Variants in ACOT6 observed in about 807,000 individuals in gnomAD.
ACOT6 encodes acyl-CoA thioesterase 6.
ACOT6 carries 14 observed loss-of-function variants against 12.3 expected under a neutral mutation model. That is an observed-to-expected ratio of 1.14 (90% confidence interval 0.75 to 1.78). The LOEUF is 1.78. ACOT6 is among the 40% of genes most tolerant of loss of function. ACOT6 has a pLI of 0.00. For missense variants in ACOT6, 523 were observed against 551.8 expected (o/e 0.95, Z 0.52); for synonymous variants, 218 against 231.3 (o/e 0.94, Z 0.52).
At chr14:73,616,078 C>T (rs1160361156) in intron 1 of ACOT6, among the ~76,000 whole-genome samples, 2 of 151,740 alleles carry the variant, frequency 1.3e-5, no homozygotes, top group South Asian at 2.1e-4. Context: ...ATGATCCTCC[C>T]GCCTCTTCCT....
upstream of ACOT6, chr14:73,612,442 T>A: frequency 1.7e-6 from 1 of 579,318 alleles, no homozygotes; most frequent in Non-Finnish European, 2.6e-6. Flanking sequence ...CTGGAGCCTG[T>A]CCCCAAGTCC....
chr14:73,619,404 T>C lies in ACOT6; in HGVS notation c.831T>C (p.Asp277=), dbSNP rs746468309. 1 of 1,614,158 alleles carries C rather than the reference T, an allele frequency of 6.2e-7. No homozygotes were observed. Among genetic ancestry groups the C allele is most frequent in the South Asian group, 1.1e-5 (1 of 91,082 alleles). Residue 277 remains aspartate, a synonymous_variant, in exon 3 of 3, where the codon GAT becomes GAC. Transcript: ENST00000645972. Reference sequence around the variant, plus strand: ...ATATGATTATTCCTAAACTTGTCGATGATCTAGGAAAAGTAAAAATCACTA... The same window carrying C: ...ATATGATTATTCCTAAACTTGTCGACGATCTAGGAAAAGTAAAAATCACTA... ...YKDMIIPKLV[D]DLGKVKITKS...
chr14:73,617,189 A>G lies in ACOT6; in HGVS notation c.657A>G (p.Pro219=). Residue 219 remains proline (P), a synonymous_variant, in exon 2 of 3, where the codon CCA becomes CCG. Transcript: ENST00000645972. ...EEAVDFMLQH[P]KVKGPSIALL... ...CCGTGGACTTTATGCTGCAGCATCC[A>G]AAGGTGCGTTCTGGTGATCACCTGA... The G allele has an allele frequency of 6.2e-7, 1 of 1,614,202 alleles. No individual in the cohort carries two copies. Among genetic ancestry groups the G allele is most frequent in the Admixed American group, 1.7e-5 (1 of 60,014 alleles).
Position 73,617,101 on chromosome 14 carries a change from A to G in ACOT6, c.569A>G (p.Tyr190Cys). 6.3e-7 allele frequency: 1 copy of G among 1,590,924 alleles called. No individual in the cohort carries two copies. Among genetic ancestry groups the G allele is most frequent in the Non-Finnish European group, 8.6e-7 (1 of 1,159,292 alleles). Residue 190 changes from tyrosine to cysteine, a missense_variant, in exon 2 of 3, where the codon TAT (tyrosine) becomes TGT (cysteine). By Grantham distance (194) the Tyr-to-Cys change is radical. Coordinates refer to ENST00000645972, the MANE Select transcript of ACOT6 (RefSeq NM_001365788.1). The part of the protein sequence containing the change: ...GHGFAVLALA[Y>C]FRFEDLPEDL... Reference sequence around the variant, plus strand: ...GGTTTTGCTGTGCTTGCCCTGGCTTATTTCAGATTTGAAGACCTCCCCGAA... The same window carrying G: ...GGTTTTGCTGTGCTTGCCCTGGCTTGTTTCAGATTTGAAGACCTCCCCGAA...
rs1890471610 is a variant in ACOT6, at chr14:73,612,838, C to T, written c.267C>T (p.Ala89=). The stretch of plus-strand genomic sequence containing the variant: ...TGTGGGCGTTGGAGCCCGAGAAAGC[C>T]TTGGTGCGGCTGGTGAAGCGCGACG... The part of the protein sequence containing the change: ...GLLWALEPEK[A]LVRLVKRDVR... Residue 89 remains alanine, a synonymous_variant, in exon 1 of 3, where the codon GCC becomes GCT. Coordinates refer to ENST00000645972, the MANE Select transcript of ACOT6 (RefSeq NM_001365788.1). 1.4e-6 allele frequency: 2 copies of T among 1,428,548 alleles called. No homozygotes were observed. Among genetic ancestry groups the T allele is most frequent in the Non-Finnish European group, 1.9e-6 (2 of 1,072,612 alleles). The allele number at this position is 1,428,548 out of a possible 1,614,324, so 88.5% of individuals were successfully genotyped here.
At chr14:73,619,007 G>C (rs1890585322) in intron 2 of ACOT6, among the ~76,000 whole-genome samples, 1 of 152,126 alleles carries the variant, frequency 6.6e-6, no homozygotes, top group Non-Finnish European at 1.5e-5. Context: ...GTGGGCGCCT[G>C]TAATCCCAGC....
At chr14:73,614,746 CA>C (rs60415801) in intron 1 of ACOT6, among the ~76,000 whole-genome samples, 75,471 of 112,976 alleles carry the variant, frequency 0.67, 23,311 homozygotes, top group East Asian at 0.76. Flanking sequence ...GACCCTGTCT[CA>C]AAAAAAAAAA....
At chr14:73,615,434 C>T (rs1023967958) in intron 1 of ACOT6, among the ~76,000 whole-genome samples, 2 of 105,116 alleles carry the variant, frequency 1.9e-5, no homozygotes, top group South Asian at 3.3e-4. Flanking sequence ...CCAGCAACAA[C>T]GAAAAAAAAA....
At chr14:73,619,175 T>C (rs924780872) in intron 2 of ACOT6, 59 bp from the exon 3 acceptor site, 16 of 1,504,066 alleles carry the variant, frequency 1.1e-5, no homozygotes, top group African/African-American at 4.2e-5. Context: ...GTAAAATCAC[T>C]GTCTGTGTCC....
At chr14:73,616,215 A>C (rs1890535297) in intron 1 of ACOT6, among the ~76,000 whole-genome samples, 1 of 151,938 alleles carries the variant, frequency 6.6e-6, no homozygotes, top group Non-Finnish European at 1.5e-5. Flanking sequence ...TGGTCCTCTT[A>C]TCTTGACCTC....
Position 73,619,819 on chromosome 14 carries a change from G to A in ACOT6, c.1246G>A (p.Val416Ile). 6.2e-7 allele frequency: 1 copy of A among 1,603,504 alleles called. No individual in the cohort carries two copies. The highest frequency in any genetic ancestry group is 1.3e-5 in the African/African-American group (1 of 74,364). ...FHKHLNGKKSVKHSKI is the reference protein window; with the variant it reads ...FHKHLNGKKSIKHSKI ...TAAACATCTCAATGGTAAAAAATCT[G>A]TCAAGCACAGCAAAATATAACATTG... The change falls in exon 3 of 3, where the codon GTC (valine) becomes ATC (isoleucine). Residue 416 changes from valine to isoleucine, a missense_variant. Physicochemically the swap from Val to Ile is conservative, Grantham distance 29 (BLOSUM62 3). Transcript: ENST00000645972.
rs763603572 is a variant in ACOT6 at position 73,619,842 on chromosome 14, T to G, written c.*3T>G. The G allele has an allele frequency of 1.0e-5, 16 of 1,584,040 alleles. No individual in the cohort carries two copies. The highest frequency in any genetic ancestry group is 7.4e-5 in the Admixed American group (4 of 53,874). Reference sequence around the variant, plus strand: ...CTGTCAAGCACAGCAAAATATAACATTGTAGCCACAGACCAGATACCATTA... The same window carrying G: ...CTGTCAAGCACAGCAAAATATAACAGTGTAGCCACAGACCAGATACCATTA... On this transcript the variant is annotated 3_prime_UTR_variant, in exon 3 of 3. Transcript: ENST00000645972.
At chr14:73,615,747 A>G (rs1421680326) in intron 1 of ACOT6, among the ~76,000 whole-genome samples, 2 of 151,814 alleles carry the variant, frequency 1.3e-5, no homozygotes, top group African/African-American at 4.8e-5. Context: ...AAACAAACAA[A>G]CAAACAAACA....
Position 73,615,800 on chromosome 14 carries a change from C to T in ACOT6, c.462-1194C>T, listed in dbSNP as rs146833643. ...AGTGCAGTGGCTCGCACTTAAAATCCCAGCACTTGAAGAGGCCGAGGTGGG... is the reference window on the plus strand; with the variant it reads ...AGTGCAGTGGCTCGCACTTAAAATCTCAGCACTTGAAGAGGCCGAGGTGGG... On this transcript the variant is annotated intron_variant, in intron 1 of 2. Transcript: ENST00000645972. Among the ~76,000 whole-genome samples the T allele has an allele frequency of 2.6e-5, 4 of 152,022 alleles. No individual in the cohort carries two copies. The East Asian group carries it at 7.7e-4, about 29-fold the overall frequency.
intron 2 of ACOT6, among the ~76,000 whole-genome samples, 171 bp downstream of exon 2, chr14:73,617,363 C>T (rs1234274088): frequency 6.6e-6 from 1 of 152,090 alleles, no homozygotes; most frequent in Non-Finnish European, 1.5e-5. Context: ...ACCTGTAGTC[C>T]CAGCTACCTG....
rs529742212 is a variant in ACOT6, at chr14:73,616,313, ATAT to A, written c.462-664_462-662del. Among the ~76,000 whole-genome samples the A allele has an allele frequency of 3.7e-3, 567 of 151,604 alleles. 8 individuals carry two copies. The highest frequency in any genetic ancestry group is 0.026 in the Admixed American group (389 of 15,180). ...TGGTTTATTTTTGTTTGTGAAAATA[ATAT>A]TATTATTATTATTATTTTTGAGATA... On this transcript the variant is annotated intron_variant, in intron 1 of 2. Transcript: ENST00000645972.
Position 73,617,039 on chromosome 14 carries a change from C to A in ACOT6, c.507C>A (p.Gly169=). 1.0e-6 allele frequency: 1 copy of A among 1,004,094 alleles called. No individual in the cohort carries two copies. Among genetic ancestry groups the A allele is most frequent in the Non-Finnish European group, 1.6e-6 (1 of 632,866 alleles). The allele number at this position is 1,004,094 out of a possible 1,614,324, so 62.2% of individuals were successfully genotyped here. The change falls in exon 2 of 3, where the codon GGC becomes GGA. Residue 169 remains glycine, a synonymous_variant. Transcript: ENST00000645972. ...GIIDLFGSSR[G]LCEYRASLLA... ...TTGATCTGTTTGGGAGCAGCAGGGG[C>A]CTTTGTGAATACAGGGCCAGCCTCC... is the stretch of plus-strand genomic sequence containing the variant.
intron 1 of ACOT6, among the ~76,000 whole-genome samples, chr14:73,616,324 ATTATTATTT>A (rs777030273): frequency 6.1e-4 from 92 of 151,674 alleles, no homozygotes; most frequent in African/African-American, 2.0e-3. Context: ...TATTATTATT[ATTATTATTT>A]TTGAGATAGA....
At chr14:73,617,215 G>A in intron 2 of ACOT6, 23 bp downstream of exon 2, 1 of 1,614,156 alleles carries the variant, frequency 6.2e-7, no homozygotes. Context: ...GATCACCTGA[G>A]TGCAGAAGAG....
Sources: gnomAD v4.1 joint callset for allele counts (sites outside exome capture counted in the v4.1 genomes callset) on GRCh38, gnomAD v4.1.1 for gene constraint, MANE v1.5 for transcripts, NCBI Gene and HGNC (gene_info 2026-07-23, HGNC 2026-07-21) for gene names.